LIFR: variants seen among roughly 807,000 people sequenced by gnomAD.
The protein encoded by LIFR is LIF receptor subunit alpha, also known as leukemia inhibitory factor receptor.
A neutral mutation model predicts 122.2 loss-of-function variants in LIFR; 84 were observed. The observed-to-expected ratio is 0.69, with a 90% CI of 0.58 to 0.82. The LOEUF (loss-of-function observed/expected upper bound fraction) is 0.82. Ranked by LOEUF, LIFR falls within the 40% of genes least tolerant of loss-of-function variation. The pLI is 0.00. For synonymous variants in LIFR, 422 were observed against 434.7 expected (o/e 0.97, Z 0.36); for missense variants, 1,294 against 1,311.6 (o/e 0.99, Z 0.21).
rs1232522484 is a variant in LIFR, at chr5:38,476,685, T to G, written c.*4910A>C. 4.8e-6 allele frequency: 1 copy of G among 207,818 alleles called. No homozygotes were observed. Among genetic ancestry groups the G allele is most frequent in the Non-Finnish European group, 9.8e-6 (1 of 101,960 alleles). 12.9% of individuals were successfully genotyped at this position (207,818 alleles called of 1,614,324 possible). The stretch of plus-strand genomic sequence containing the variant: ...CAGCAACCAAAAAAAAAAATGTAAA[T>G]CATATTTTGTTTCTGGCTAATGTTC... On this transcript the variant is annotated 3_prime_UTR_variant, in exon 20 of 20. Coordinates refer to ENST00000453190, the MANE Select transcript of LIFR (RefSeq NM_001127671.2).
intron 1 of LIFR, among the ~76,000 whole-genome samples, chr5:38,584,617 A>C (rs1031495349): frequency 2.0e-5 from 3 of 152,170 alleles, no homozygotes; most frequent in Non-Finnish European, 4.4e-5. Flanking sequence ...ACACAGAAAA[A>C]AAAAATAGTG....
At chr5:38,582,296 C>G (rs944623277) in intron 1 of LIFR, among the ~76,000 whole-genome samples, 1 of 152,070 alleles carries the variant, frequency 6.6e-6, no homozygotes. Flanking sequence ...CAGTTTGTTG[C>G]TTGGCAATTT....
At chr5:38,505,155 C>T (rs1745399420) in intron 9 of LIFR, among the ~76,000 whole-genome samples, 2 of 122,700 alleles carry the variant, frequency 1.6e-5, no homozygotes, top group African/African-American at 7.7e-5. Context: ...GGATGGCTCT[C>T]CAGGACATCC....
rs1743738442 is a variant in LIFR, at chr5:38,476,687, A to G, written c.*4908T>C. The G allele has an allele frequency of 9.6e-6, 2 of 208,606 alleles. No homozygotes were observed. Among genetic ancestry groups the G allele is most frequent in the Non-Finnish European group, 1.9e-5 (2 of 102,574 alleles). 12.9% of individuals were successfully genotyped at this position (208,606 alleles called of 1,614,324 possible). On this transcript the variant is annotated 3_prime_UTR_variant, in exon 20 of 20. Transcript: ENST00000453190. The stretch of plus-strand genomic sequence containing the variant: ...GCAACCAAAAAAAAAAATGTAAATC[A>G]TATTTTGTTTCTGGCTAATGTTCAA...
chr5:38,518,182 C>T (rs948916589), intron 5 of LIFR, among the ~76,000 whole-genome samples: 14 of 151,746 alleles, frequency 9.2e-5, no homozygotes, highest in Admixed American at 3.9e-4. Context: ...AATGCAGGTT[C>T]GAGTAGGATA....
chr5:38,507,563 C>A (rs1368763556), intron 7 of LIFR, among the ~76,000 whole-genome samples: 621 of 110,814 alleles, frequency 5.6e-3, no homozygotes, highest in East Asian at 6.3e-3. Flanking sequence ...TACTCCGTCT[C>A]AAAAAAAAAA....
chr5:38,575,358 A>G (rs1261306706), intron 1 of LIFR, among the ~76,000 whole-genome samples: 1 of 152,158 alleles, frequency 6.6e-6, no homozygotes, highest in Non-Finnish European at 1.5e-5. Flanking sequence ...ACCAATATAT[A>G]CATTTATGAT....
At position 38,477,580 on chromosome 5, in the gene LIFR, A is replaced by G; in HGVS notation, c.*4015T>C. ...GAAGAAATTATGAACACTTAAAATT[A>G]TGGAGAAATAAGATATCTAGTGATA... On this transcript the variant is annotated 3_prime_UTR_variant, in exon 20 of 20. Coordinates refer to ENST00000453190, the MANE Select transcript of LIFR (RefSeq NM_001127671.2). The G allele has an allele frequency of 1.4e-5, 3 of 213,718 alleles. No individual in the cohort carries two copies. The highest frequency in any genetic ancestry group is 2.8e-5 in the Non-Finnish European group (3 of 105,700). 13.2% of individuals were successfully genotyped at this position (213,718 alleles called of 1,614,324 possible).
Position 38,499,499 on chromosome 5 carries a change from A to C in LIFR, c.1671+14T>G. 6.6e-7 allele frequency: 1 copy of C among 1,525,166 alleles called. No homozygotes were observed. Among genetic ancestry groups the C allele is most frequent in the South Asian group, 1.1e-5 (1 of 89,248 alleles). The allele number at this position is 1,525,166 out of a possible 1,614,324, so 94.5% of individuals were successfully genotyped here. ...AAAGTAATGTAAATGTTCACAGAAA[A>C]ATTAGATATTTACCTTCCAATAGAT... On this transcript the variant is annotated intron_variant, in intron 12 of 19. Coordinates refer to ENST00000453190, the MANE Select transcript of LIFR (RefSeq NM_001127671.2).
chr5:38,489,481 G>C (rs975575698), intron 15 of LIFR, among the ~76,000 whole-genome samples: 1 of 152,118 alleles, frequency 6.6e-6, no homozygotes, highest in African/African-American at 2.4e-5. Flanking sequence ...ATCCCTTTTA[G>C]ACAAACACAT....
intron 1 of LIFR, among the ~76,000 whole-genome samples, chr5:38,531,674 CA>C (rs1010011570): frequency 6.7e-6 from 1 of 149,176 alleles, no homozygotes; most frequent in African/African-American, 2.5e-5. Context: ...GAACAAAATA[CA>C]AAAAAAAATT....
intron 1 of LIFR, among the ~76,000 whole-genome samples, chr5:38,578,370 C>A (rs567137102): frequency 1.3e-5 from 2 of 151,548 alleles, no homozygotes; most frequent in African/African-American, 4.8e-5. Context: ...CCACACCCAG[C>A]TAATTTTGTA....
upstream of LIFR, chr5:38,557,454 C>T (rs1296380279): frequency 6.5e-6 from 1 of 154,742 alleles, no homozygotes; most frequent in African/African-American, 2.4e-5. Flanking sequence ...CGCTGTATGC[C>T]GGACGCGTTT....
intron 2 of LIFR, among the ~76,000 whole-genome samples, chr5:38,529,319 C>T (rs1218787885): frequency 6.6e-6 from 1 of 152,054 alleles, no homozygotes; most frequent in Non-Finnish European, 1.5e-5. Flanking sequence ...ATGTGCCTTC[C>T]AAGTTTTTAA....
chr5:38,528,489 C>T (rs1397038629), intron 3 of LIFR, among the ~76,000 whole-genome samples: 2 of 152,132 alleles, frequency 1.3e-5, no homozygotes, highest in Non-Finnish European at 2.9e-5. Flanking sequence ...GTCTTATCTA[C>T]CAGATCTGCA....
chr5:38,570,168 C>T (rs936294798), intron 1 of LIFR, among the ~76,000 whole-genome samples: 3 of 152,126 alleles, frequency 2.0e-5, no homozygotes, highest in Non-Finnish European at 4.4e-5. Context: ...ATAATAATCC[C>T]ACCCAGTTCT....
intron 1 of LIFR, among the ~76,000 whole-genome samples, chr5:38,548,955 A>G (rs1405949753): frequency 6.6e-6 from 1 of 152,148 alleles, no homozygotes; most frequent in Admixed American, 6.5e-5. Context: ...CAGATCAGTG[A>G]GATCAAGGTA....
chr5:38,547,714 G>A (rs1392053787), intron 1 of LIFR, among the ~76,000 whole-genome samples: 1 of 152,168 alleles, frequency 6.6e-6, no homozygotes, highest in Non-Finnish European at 1.5e-5. Context: ...TGTGCTTAAT[G>A]ACAAGGATAC....
At chr5:38,523,101 T>C (rs1290280208) in intron 5 of LIFR, among the ~76,000 whole-genome samples, 1 of 152,226 alleles carries the variant, frequency 6.6e-6, no homozygotes, top group Admixed American at 6.5e-5. Flanking sequence ...AAATTAAATG[T>C]GCACTTTCAT....
Sources: allele counts gnomAD v4.1 joint callset (sites outside exome capture counted in the v4.1 genomes callset), GRCh38; gene constraint gnomAD v4.1.1; transcripts MANE v1.5; gene names NCBI Gene and HGNC (gene_info 2026-07-23, HGNC 2026-07-21).